Variants in TIAM1 observed in about 807,000 individuals in gnomAD.
TIAM1 encodes TIAM Rac1 associated GEF 1, also known as rho guanine nucleotide exchange factor TIAM1.
A neutral mutation model predicts 163.5 loss-of-function variants in TIAM1; 65 were observed. The ratio of observed to expected loss-of-function variants is 0.40; its 90% confidence interval spans 0.33 to 0.49. TIAM1 has a LOEUF of 0.49. Among genes scored for constraint, TIAM1 ranks in the 20% least tolerant of loss-of-function variants. The pLI, the probability that TIAM1 is intolerant of heterozygous loss-of-function variation, is 0.77. For synonymous variants in TIAM1, 833 were observed against 810.1 expected (o/e 1.03, Z -0.48); for missense variants, 1,789 against 2,044.7 (o/e 0.87, Z 2.41).
chr21:31,383,885 G>A (rs890907693), intron 2 of TIAM1, among the ~76,000 whole-genome samples: 1 of 152,112 alleles, frequency 6.6e-6, no homozygotes, highest in African/African-American at 2.4e-5. Context: ...AAAATGAAAC[G>A]ATGTTTCCAA....
Position 31,395,258 on chromosome 21 carries a change from G to A in TIAM1, c.-368-55836C>T, listed in dbSNP as rs963907529. 2.0e-5 allele frequency among the ~76,000 whole-genome samples: 3 copies of A among 151,794 alleles called. No individual in the cohort carries two copies. The highest frequency in any genetic ancestry group is 6.6e-5 in the Admixed American group (1 of 15,240). ...GTCTCAAAAAAAAAAAAGAGGAGGT[G>A]GGGGGAGAACAAAACTAGTAATTGG... On this transcript the variant is annotated intron_variant, in intron 2 of 28. Coordinates refer to the TIAM1 transcript ENST00000286827. The surrounding 1 kb of genome is among the most constrained non-coding windows in gnomAD (Gnocchi z 7.5).
intron 2 of TIAM1, among the ~76,000 whole-genome samples, chr21:31,338,510 A>G (rs2075919722): frequency 6.6e-6 from 1 of 152,122 alleles, no homozygotes; most frequent in Admixed American, 6.5e-5. Flanking sequence ...GGTCTACGTC[A>G]TTCTCCTCCT....
At chr21:31,295,124 G>C (rs1412675578) in intron 2 of TIAM1, among the ~76,000 whole-genome samples, 1 of 152,154 alleles carries the variant, frequency 6.6e-6, no homozygotes, top group African/African-American at 2.4e-5. Flanking sequence ...TGGATGGCAT[G>C]GTTCAAGATT....
chr21:31,313,828 C>T (rs1434265869), intron 2 of TIAM1, among the ~76,000 whole-genome samples: 8 of 152,214 alleles, frequency 5.3e-5, no homozygotes, highest in Non-Finnish European at 7.3e-5. Flanking sequence ...CTGTCCGCCT[C>T]GGCCTCCCAA....
At chr21:31,262,784 G>C (rs1280373325) in intron 4 of TIAM1, among the ~76,000 whole-genome samples, 1 of 152,086 alleles carries the variant, frequency 6.6e-6, no homozygotes, top group Non-Finnish European at 1.5e-5. Flanking sequence ...CATGCTCTTG[G>C]GTCAAATGTC....
intron 9 of TIAM1, among the ~76,000 whole-genome samples, chr21:31,216,774 G>C (rs190749565): frequency 2.3e-4 from 35 of 152,176 alleles, no homozygotes; most frequent in African/African-American, 8.2e-4. Flanking sequence ...GGCAGTGGGC[G>C]AGCTCTCTCG....
At chr21:31,435,034 G>A (rs563472394) in intron 2 of TIAM1, among the ~76,000 whole-genome samples, 3 of 152,190 alleles carry the variant, frequency 2.0e-5, no homozygotes, top group Non-Finnish European at 2.9e-5. Flanking sequence ...AACAGACTAC[G>A]GAGATGTCTT....
intron 1 of TIAM1, chr21:31,558,908 C>A (rs1007859065): frequency 6.6e-6 from 1 of 151,998 alleles, no homozygotes; most frequent in Non-Finnish European, 1.5e-5. Flanking sequence ...CCCGCGCACC[C>A]CAGGCCCGCG....
At chr21:31,153,282 T>G in intron 17 of TIAM1, 148 bp from the exon 18 acceptor site, 1 of 623,722 alleles carries the variant, frequency 1.6e-6, no homozygotes, top group Non-Finnish European at 2.5e-6. Context: ...TTAGAGACTT[T>G]AGGTCGTTAA....
chr21:31,490,238 T>C (rs2046420135), intron 1 of TIAM1, among the ~76,000 whole-genome samples: 2 of 152,206 alleles, frequency 1.3e-5, no homozygotes, highest in Non-Finnish European at 2.9e-5. Context: ...AGGCCCTCTC[T>C]AATTCTACTT....
intron 2 of TIAM1, among the ~76,000 whole-genome samples, chr21:31,390,614 G>A (rs151008788): frequency 3.8e-4 from 58 of 152,304 alleles, no homozygotes; most frequent in Admixed American, 1.5e-3. Context: ...AGAGAACCAT[G>A]ATCCGTGCAA....
At chr21:31,346,277 A>G (rs1310361525), upstream of TIAM1, among the ~76,000 whole-genome samples, 1 of 152,194 alleles carries the variant, frequency 6.6e-6, no homozygotes, top group African/African-American at 2.4e-5. Context: ...TCCATATAGC[A>G]TCATCAATTT....
Position 31,198,872 on chromosome 21 carries a change from A to G in TIAM1, c.2494-3567T>C, listed in dbSNP as rs555005015. Among the ~76,000 whole-genome samples the G allele has an allele frequency of 9.2e-5, 14 of 152,310 alleles. No homozygotes were observed. In the South Asian group the frequency reaches 2.9e-3, roughly 32 times the overall value. On this transcript the variant is annotated intron_variant, in intron 12 of 27. Coordinates refer to ENST00000541036, the MANE Select transcript of TIAM1 (RefSeq NM_001353694.2). ...ATAAGACAGGCCCGCTGGCCACAAC[A>G]TCCTTAGGCTGGTTGGACTAAAGCC...
chr21:31,397,509 T>C (rs1486507551), intron 2 of TIAM1, among the ~76,000 whole-genome samples: 1 of 152,180 alleles, frequency 6.6e-6, no homozygotes, highest in Non-Finnish European at 1.5e-5. Context: ...AAATGAACAT[T>C]TCTAATTTAA....
At chr21:31,214,654 G>T (rs2087080961) in intron 9 of TIAM1, among the ~76,000 whole-genome samples, 2 of 152,100 alleles carry the variant, frequency 1.3e-5, no homozygotes, top group African/African-American at 2.4e-5. Context: ...GGGTAACAAT[G>T]CCACTAGGTA....
At chr21:31,402,128 G>T (rs527387982) in intron 2 of TIAM1, among the ~76,000 whole-genome samples, 1 of 152,008 alleles carries the variant, frequency 6.6e-6, no homozygotes, top group South Asian at 2.1e-4. Context: ...CAGGAGAATC[G>T]CTTGAACCCA....
At position 31,266,051 on chromosome 21, in the gene TIAM1, G is replaced by A. The variant is rs769421453; in HGVS notation, c.922C>T (p.His308Tyr). Residue 308 changes from histidine (H) to tyrosine (Y), a missense_variant, in exon 4 of 28, where the codon CAT becomes TAT. Physicochemically the swap from His to Tyr is moderately conservative, Grantham distance 83. Transcript: ENST00000541036. ...SEGATNPQISHSNSMQGRRAK... is the reference protein window; with the variant it reads ...SEGATNPQISYSNSMQGRRAK... ...CTTCTGCCTTGCATGCTGTTGCTAT[G>A]GCTAATTTGTGGGTTGGTGGCACCT... is the stretch of plus-strand genomic sequence containing the variant. The A allele has an allele frequency of 3.1e-6, 5 of 1,614,068 alleles. No individual in the cohort carries two copies. The highest frequency in any genetic ancestry group is 4.2e-6 in the Non-Finnish European group (5 of 1,180,040).
chr21:31,304,212 A>G (rs2074608594), intron 2 of TIAM1, among the ~76,000 whole-genome samples: 1 of 152,188 alleles, frequency 6.6e-6, no homozygotes, highest in African/African-American at 2.4e-5. Context: ...CTCCAGGCCA[A>G]CGTAAAGGTT....
intron 1 of TIAM1, among the ~76,000 whole-genome samples, chr21:31,557,710 G>A (rs750768071): frequency 1.3e-5 from 2 of 152,188 alleles, no homozygotes; most frequent in Admixed American, 1.3e-4. Flanking sequence ...TCACCGAGGC[G>A]GGCACAGACT....
Sources: allele counts gnomAD v4.1 joint callset (sites outside exome capture counted in the v4.1 genomes callset), GRCh38; gene constraint gnomAD v4.1.1; non-coding constraint Gnocchi (gnomAD v3.1); transcripts MANE v1.5; gene names NCBI Gene and HGNC (gene_info 2026-07-23, HGNC 2026-07-21).